ZFHX4: variants seen among roughly 807,000 people sequenced by gnomAD.
The protein encoded by ZFHX4 is zinc finger homeobox 4, also known as zinc finger homeobox protein 4.
ZFHX4 carries 56 observed loss-of-function variants against 267.6 expected under a neutral mutation model. The observed-to-expected ratio is 0.21, with a 90% CI of 0.17 to 0.26. The LOEUF (loss-of-function observed/expected upper bound fraction) is 0.26, where lower values mean the gene tolerates loss of function less well. Among genes scored for constraint, ZFHX4 ranks in the 10% least tolerant of loss-of-function variants. The pLI is 1.00. For synonymous variants in ZFHX4, 1,778 were observed against 1,665.6 expected, an observed-to-expected ratio of 1.07 and a Z score of -1.64; for missense variants, 4,332 against 4,420.0, an observed-to-expected ratio of 0.98 and a Z score of 0.56.
chr8:76,824,660 A>G (rs1392306682), intron 4 of ZFHX4, among the ~76,000 whole-genome samples: 3 of 152,074 alleles, frequency 2.0e-5, no homozygotes, highest in Non-Finnish European at 4.4e-5. Context: ...GCAACCTCAA[A>G]CTCCTGGGCT....
At chr8:76,787,547 A>T (rs1810723338) in intron 4 of ZFHX4, among the ~76,000 whole-genome samples, 1 of 151,548 alleles carries the variant, frequency 6.6e-6, no homozygotes, top group Admixed American at 6.6e-5. Flanking sequence ...TCATGCCTGT[A>T]ATCCCAGCCC....
chr8:76,799,220 C>G (rs1356774807), intron 4 of ZFHX4, among the ~76,000 whole-genome samples: 2 of 152,068 alleles, frequency 1.3e-5, no homozygotes, highest in Non-Finnish European at 2.9e-5. Context: ...CCAGTCACAC[C>G]AAGTCTCAGT....
intron 4 of ZFHX4, among the ~76,000 whole-genome samples, chr8:76,801,900 C>T (rs1463855465): frequency 6.6e-6 from 1 of 152,162 alleles, no homozygotes; most frequent in Non-Finnish European, 1.5e-5. Flanking sequence ...GACCATCATA[C>T]TCCTTTGTTC....
chr8:76,811,880 C>T (rs760326432), intron 4 of ZFHX4, among the ~76,000 whole-genome samples: 3 of 152,036 alleles, frequency 2.0e-5, no homozygotes, highest in Non-Finnish European at 2.9e-5. Context: ...GCTGAAATCA[C>T]GCCATTGCAC....
In ZFHX4 at chr8:76,778,057, T is replaced by C. The variant is rs913077653; in HGVS notation, c.3094-151T>C. On this transcript the variant is annotated intron_variant, in intron 3 of 10. Transcript: ENST00000651372. ...GTATCTGCACGGAATTAATTCACTT[T>C]TCAGGTGGTAGGCTGGGCTGCGTCT... 1.3e-5 allele frequency: 8 copies of C among 618,210 alleles called. No homozygotes were observed. The African/African-American group carries it at 1.5e-4, about 11-fold the overall frequency. The allele number at this position is 618,210 out of a possible 1,614,324, so 38.3% of individuals were successfully genotyped here.
intron 10 of ZFHX4, among the ~76,000 whole-genome samples, chr8:76,859,160 C>G (rs1320885158): frequency 6.6e-6 from 1 of 152,100 alleles, no homozygotes; most frequent in Admixed American, 6.6e-5. Context: ...GGTTGGATAT[C>G]GGTTTTAATG....
Position 76,723,146 on chromosome 8 carries a change from G to A in ZFHX4, c.3093+15098G>A, listed in dbSNP as rs1808768134. On this transcript the variant is annotated intron_variant, in intron 3 of 10. Transcript: ENST00000651372. ...AAATACCAGTTTTCAAGTCAGCCAA[G>A]TGTGAATTTGCAAATGAGCAGTAGT... Among the ~76,000 whole-genome samples the A allele has an allele frequency of 3.3e-5, 5 of 152,076 alleles. No homozygotes were observed. The South Asian group carries it at 1.0e-3, about 31-fold the overall frequency.
In ZFHX4 at chr8:76,854,377, C is replaced by T; in HGVS notation, c.7456C>T (p.Leu2486=). The change falls in exon 10 of 11, where the codon CTA becomes TTA. Residue 2486 remains leucine, a synonymous_variant. Transcript: ENST00000651372. ...TTCCATGACGTCTCTCCAGAACAGTCTACCTCCACAGTTACTACAATACCA... is the reference window on the plus strand; with the variant it reads ...TTCCATGACGTCTCTCCAGAACAGTTTACCTCCACAGTTACTACAATACCA... The part of the protein sequence containing the change: ...QISMTSLQNS[L]PPQLLQYQCD... 2 of 1,613,934 alleles carry T rather than the reference C, an allele frequency of 1.2e-6. No homozygotes were observed. Among genetic ancestry groups the T allele is most frequent in the Non-Finnish European group, 1.7e-6 (2 of 1,179,872 alleles).
At chr8:76,756,217 G>A (rs975560849) in intron 3 of ZFHX4, among the ~76,000 whole-genome samples, 73 of 152,122 alleles carry the variant, frequency 4.8e-4, no homozygotes, top group African/African-American at 1.7e-3. Context: ...GAACAGTATA[G>A]TCATCCAAGA....
chr8:76,737,800 G>A (rs1358482101), intron 3 of ZFHX4, among the ~76,000 whole-genome samples: 1 of 152,124 alleles, frequency 6.6e-6, no homozygotes, highest in Non-Finnish European at 1.5e-5. Context: ...TAGGCTGTTT[G>A]TGAAAAGTGG....
chr8:76,716,906 C>A (rs1808590438), intron 3 of ZFHX4, among the ~76,000 whole-genome samples: 1 of 152,202 alleles, frequency 6.6e-6, no homozygotes, highest in Non-Finnish European at 1.5e-5. Flanking sequence ...AGTGCCTGAG[C>A]TCTCAGTGTT....
rs989628443 is a variant in ZFHX4, at chr8:76,714,532, G to A, written c.3093+6484G>A. 3.9e-5 allele frequency among the ~76,000 whole-genome samples: 6 copies of A among 152,272 alleles called. 1 individual carries two copies. Among genetic ancestry groups the A allele is most frequent in the South Asian group, 4.1e-4 (2 of 4,828 alleles). The stretch of plus-strand genomic sequence containing the variant: ...GTTTGAAAGGTGAAGGACAGGCATG[G>A]AGGCACAGCCACCAATAACCGTGAG... On this transcript the variant is annotated intron_variant, in intron 3 of 10. Transcript: ENST00000651372.
At chr8:76,753,640 T>TC (rs1246408108) in intron 3 of ZFHX4, among the ~76,000 whole-genome samples, 1 of 144,704 alleles carries the variant, frequency 6.9e-6, no homozygotes, top group East Asian at 2.0e-4. Flanking sequence ...TTTTTTTTTT[T>TC]TTTTTTTTTT....
chr8:76,724,612 G>C (rs547038553), intron 3 of ZFHX4, among the ~76,000 whole-genome samples: 1 of 152,230 alleles, frequency 6.6e-6, no homozygotes, highest in South Asian at 2.1e-4. Flanking sequence ...GTTGGGCCAA[G>C]AAATCATATT....
At chr8:76,769,549 C>T (rs558312654) in intron 3 of ZFHX4, among the ~76,000 whole-genome samples, 1 of 152,142 alleles carries the variant, frequency 6.6e-6, no homozygotes, top group South Asian at 2.1e-4. Context: ...CAGGAGTTTG[C>T]CATATTAGCC....
At chr8:76,700,006 T>C (rs1215053284) in intron 1 of ZFHX4, among the ~76,000 whole-genome samples, 1 of 152,032 alleles carries the variant, frequency 6.6e-6, no homozygotes, top group African/African-American at 2.4e-5. Context: ...GCGCCTCTCT[T>C]TTGTCTTTGC....
intron 4 of ZFHX4, among the ~76,000 whole-genome samples, chr8:76,780,683 A>AG (rs1810524157): frequency 6.6e-6 from 1 of 152,282 alleles, no homozygotes; most frequent in Middle Eastern, 3.4e-3. Flanking sequence ...TTCAGAGATA[A>AG]GGATAGATAT....
Position 76,851,076 on chromosome 8 carries a change from A to T in ZFHX4, c.4155A>T (p.Gln1385His). 3.1e-6 allele frequency: 5 copies of T among 1,613,976 alleles called. No individual in the cohort carries two copies. Among genetic ancestry groups the T allele is most frequent in the Non-Finnish European group, 2.5e-6 (3 of 1,179,880 alleles). Residue 1385 changes from glutamine (Q) to histidine (H), a missense_variant, in exon 10 of 11, where the codon CAA becomes CAT. By Grantham distance (24) the Gln-to-His change is conservative. Around this residue, in one of 7 missense-constraint regions of ZFHX4, gnomAD observed 1,371 missense variants for 1,423.1 expected, o/e 0.96. Coordinates refer to ENST00000651372, the MANE Select transcript of ZFHX4 (RefSeq NM_024721.5). ...AATTAAATGAACAGCAAAAAAGGCA[A>T]CCGCTCTCTGTTTCTGACCGTCATG... The part of the protein sequence containing the change: ...QDQLNEQQKR[Q>H]PLSVSDRHVY...
At chr8:76,782,100 A>ATTTTTTTTTTTT (rs77420241) in intron 4 of ZFHX4, 3 of 236,756 alleles carry the variant, frequency 1.3e-5, no homozygotes, top group Non-Finnish European at 1.6e-5. Context: ...TCAGTTAAGA[A>ATTTTTTTTTTTT]TTTTTTTTTT....
Sources: gnomAD v4.1 joint callset for allele counts (sites outside exome capture counted in the v4.1 genomes callset) on GRCh38, gnomAD v4.1.1 for gene constraint, gnomAD v4.1.1 regional missense constraint, MANE v1.5 for transcripts, NCBI Gene and HGNC (gene_info 2026-07-23, HGNC 2026-07-21) for gene names.